GHR: variants seen among roughly 807,000 people sequenced by gnomAD.
The protein encoded by GHR is growth hormone receptor, also known as GH receptor.
In GHR, 35 loss-of-function variants were observed where a neutral mutation model predicts 67.1. That is an observed-to-expected ratio of 0.52 (90% confidence interval 0.40 to 0.69). GHR has a LOEUF of 0.69. Ranked by LOEUF, GHR falls within the 30% of genes least tolerant of loss-of-function variation. The pLI is 0.00. For missense variants in GHR, 792 were observed against 764.6 expected, an observed-to-expected ratio of 1.04 and a Z score of -0.42; for synonymous variants, 272 against 269.1, an observed-to-expected ratio of 1.01 and a Z score of -0.10.
intron 3 of GHR, among the ~76,000 whole-genome samples, chr5:42,646,108 T>A (rs910619553): frequency 3.0e-4 from 46 of 152,174 alleles, no homozygotes; most frequent in African/African-American, 1.1e-3. Flanking sequence ...CTCCTGCCCC[T>A]AAGGTTCCAT....
intron 6 of GHR, among the ~76,000 whole-genome samples, chr5:42,705,476 G>T (rs1758131662): frequency 6.6e-6 from 1 of 151,984 alleles, no homozygotes; most frequent in African/African-American, 2.4e-5. Flanking sequence ...TGTCACAGGG[G>T]TTTACCATAC....
At chr5:42,467,500 C>T (rs1161857961) in intron 1 of GHR, 25 of 1,102,960 alleles carry the variant, frequency 2.3e-5, no homozygotes, top group Non-Finnish European at 2.9e-5. Context: ...TTTCTGGTGC[C>T]GAGCAAGTTG....
intron 3 of GHR, among the ~76,000 whole-genome samples, chr5:42,646,585 G>A (rs1007508862): frequency 1.3e-5 from 2 of 152,158 alleles, no homozygotes; most frequent in Admixed American, 6.5e-5. Context: ...CTGGACCATA[G>A]TGACTACAAA....
intron 1 of GHR, among the ~76,000 whole-genome samples, chr5:42,527,342 G>A (rs1747747245): frequency 6.6e-6 from 1 of 152,046 alleles, no homozygotes; most frequent in South Asian, 2.1e-4. Flanking sequence ...ATCTCACATA[G>A]CCTCAAAATA....
chr5:42,476,886 T>G (rs1023362203), intron 1 of GHR, among the ~76,000 whole-genome samples: 1 of 152,170 alleles, frequency 6.6e-6, no homozygotes, highest in African/African-American at 2.4e-5. Flanking sequence ...TTTAAAAAAT[T>G]TTATTATTAT....
intron 1 of GHR, among the ~76,000 whole-genome samples, chr5:42,492,107 A>G (rs1198447645): frequency 6.6e-6 from 1 of 152,190 alleles, no homozygotes; most frequent in Admixed American, 6.5e-5. Context: ...AGCAATTTTA[A>G]GAAGGCAGAG....
At chr5:42,474,192 A>AAG (rs946023949) in intron 1 of GHR, among the ~76,000 whole-genome samples, 10 of 150,962 alleles carry the variant, frequency 6.6e-5, no homozygotes, top group Non-Finnish European at 1.5e-5. Flanking sequence ...CAGTCTCTGA[A>AAG]AGAGAGAGAG....
chr5:42,471,501 C>G (rs1031244890), intron 1 of GHR, among the ~76,000 whole-genome samples: 1 of 152,188 alleles, frequency 6.6e-6, no homozygotes, highest in Non-Finnish European at 1.5e-5. Flanking sequence ...ACATTATGCT[C>G]TCAGAGCATG....
At position 42,580,002 on chromosome 5, in the gene GHR, T is replaced by G. The variant is rs562914503; in HGVS notation, c.70+14058T>G. 2.6e-5 allele frequency among the ~76,000 whole-genome samples: 4 copies of G among 152,128 alleles called. No individual in the cohort carries two copies. In the South Asian group the frequency reaches 8.3e-4, roughly 32 times the overall value. Reference sequence around the variant, plus strand: ...TTTTTCATGTGAAAATTTCCCCCAATATTAGTGGTAATCACAATTTGATTA... The same window carrying G: ...TTTTTCATGTGAAAATTTCCCCCAAGATTAGTGGTAATCACAATTTGATTA... On this transcript the variant is annotated intron_variant, in intron 2 of 9. Coordinates refer to ENST00000230882, the MANE Select transcript of GHR (RefSeq NM_000163.5).
chr5:42,600,543 G>A (rs1482996645), intron 2 of GHR, among the ~76,000 whole-genome samples: 1 of 152,214 alleles, frequency 6.6e-6, no homozygotes, highest in African/African-American at 2.4e-5. Context: ...AAAGGAGTAA[G>A]AAGTGAAAGC....
At chr5:42,440,540 G>A (rs2111951560) in intron 1 of GHR, among the ~76,000 whole-genome samples, 1 of 152,316 alleles carries the variant, frequency 6.6e-6, no homozygotes, top group African/African-American at 2.4e-5. Flanking sequence ...ACACGATGAT[G>A]TAGGCTGTAT....
In GHR at chr5:42,549,288, C is replaced by A. The variant is rs183106425; in HGVS notation, c.-11-16576C>A. ...CTTTCAACAGAAGGACATTCTCCCA[C>A]CTCTTCCAAACACCTCTTTGAAAAC... On this transcript the variant is annotated intron_variant, in intron 1 of 9. Coordinates refer to ENST00000230882, the MANE Select transcript of GHR (RefSeq NM_000163.5). Among the ~76,000 whole-genome samples, 241 of 152,318 alleles carry A rather than the reference C, an allele frequency of 1.6e-3. 1 individual carries two copies. The highest frequency in any genetic ancestry group is 5.4e-3 in the African/African-American group (225 of 41,580).
At position 42,502,079 on chromosome 5, in the gene GHR, G is replaced by A. The variant is rs559557318; in HGVS notation, c.-11-63785G>A. On this transcript the variant is annotated intron_variant, in intron 1 of 9. Transcript: ENST00000230882. Reference sequence around the variant, plus strand: ...TGGTGCTCACATATAAAAACTCCGTGGGTGGGAGTTAGGGATTCATAGAGC... The same window carrying A: ...TGGTGCTCACATATAAAAACTCCGTAGGTGGGAGTTAGGGATTCATAGAGC... Among the ~76,000 whole-genome samples the A allele has an allele frequency of 3.9e-5, 6 of 152,230 alleles. No homozygotes were observed. The South Asian group carries it at 1.2e-3, about 32-fold the overall frequency.
intron 1 of GHR, among the ~76,000 whole-genome samples, chr5:42,436,412 G>T (rs1460728530): frequency 6.6e-6 from 1 of 152,130 alleles, no homozygotes; most frequent in Non-Finnish European, 1.5e-5. Context: ...AGACCTGGAT[G>T]CATGGTATAC....
chr5:42,549,602 C>CAGCA (rs1487454070), intron 1 of GHR: 1 of 803,952 alleles, frequency 1.2e-6, no homozygotes, highest in Non-Finnish European at 1.5e-6. Flanking sequence ...GTATAGGAGG[C>CAGCA]AGCAGGGCCA....
At chr5:42,446,160 A>C (rs185810517) in intron 1 of GHR, among the ~76,000 whole-genome samples, 1 of 152,340 alleles carries the variant, frequency 6.6e-6, no homozygotes, top group East Asian at 1.9e-4. Context: ...CTTTAGGAGC[A>C]CAAAGTGTAG....
intron 1 of GHR, among the ~76,000 whole-genome samples, chr5:42,436,214 G>A: frequency 6.6e-6 from 1 of 152,206 alleles, no homozygotes; most frequent in East Asian, 1.9e-4. Context: ...GGGAAGTTAA[G>A]TTACTTGGCC....
intron 1 of GHR, among the ~76,000 whole-genome samples, chr5:42,556,654 T>C (rs186997552): frequency 9.2e-5 from 14 of 152,338 alleles, no homozygotes; most frequent in Non-Finnish European, 1.6e-4. Context: ...TAAGCGGCCA[T>C]GCAATTGATT....
At chr5:42,647,585 A>AG in intron 3 of GHR, 1 of 414,288 alleles carries the variant, frequency 2.4e-6, no homozygotes. Flanking sequence ...AAAAAAAAAA[A>AG]AAAAAGTCAA....
Sources: allele counts gnomAD v4.1 joint callset (sites outside exome capture counted in the v4.1 genomes callset), GRCh38; gene constraint gnomAD v4.1.1; transcripts MANE v1.5; gene names NCBI Gene and HGNC (gene_info 2026-07-23, HGNC 2026-07-21).